The following SORT1 variants were observed in gnomAD, a reference collection of about 807,000 sequenced individuals.
SORT1 encodes the protein sortilin 1, also known as sortilin.
In SORT1, 39 loss-of-function variants were observed where a neutral mutation model predicts 101.7. That is an observed-to-expected ratio of 0.38 (90% CI 0.30 to 0.50). The LOEUF (loss-of-function observed/expected upper bound fraction) is 0.50. Ranked by LOEUF, SORT1 falls within the 20% of genes least tolerant of loss-of-function variation. The pLI is 0.90. For missense variants in SORT1, 878 were observed against 1,040.4 expected (o/e 0.84, Z 2.15); for synonymous variants, 396 against 393.7 (o/e 1.01, Z -0.07).
chr1:109,364,045 A>C (rs1650917478), intron 3 of SORT1, among the ~76,000 whole-genome samples: 2 of 152,220 alleles, frequency 1.3e-5, no homozygotes, highest in Non-Finnish European at 2.9e-5. Flanking sequence ...CAGGGAAGAG[A>C]TAATTAATAT....
chr1:109,367,389 C>T lies in SORT1; in HGVS notation c.440+19G>A, dbSNP rs758745078. ...AATGTTACTTAGTGAAATGCTCCAA[C>T]GCGTGTTATTGATCTCACCTTCGAT... is the stretch of plus-strand genomic sequence containing the variant. On this transcript the variant is annotated intron_variant, in intron 3 of 19. Coordinates refer to ENST00000256637, the MANE Select transcript of SORT1 (RefSeq NM_002959.7). 58 of 1,427,866 alleles carry T rather than the reference C, an allele frequency of 4.1e-5. No homozygotes were observed. In the East Asian group the frequency reaches 6.0e-4, roughly 15 times the overall value. The allele number at this position is 1,427,866 out of a possible 1,614,324, so 88.4% of individuals were successfully genotyped here.
chr1:109,332,967 C>T (rs981218951), intron 11 of SORT1, among the ~76,000 whole-genome samples: 2 of 152,022 alleles, frequency 1.3e-5, no homozygotes, highest in African/African-American at 2.4e-5. Flanking sequence ...CTTGCTCTGT[C>T]GCCAGGCTGG....
intron 2 of SORT1, among the ~76,000 whole-genome samples, chr1:109,368,036 G>A (rs1023851776): frequency 5.9e-5 from 9 of 152,174 alleles, no homozygotes; most frequent in Non-Finnish European, 7.3e-5. Flanking sequence ...GCTCACGCCT[G>A]TAATCACAGC....
chr1:109,316,497 G>A (rs1048644581), intron 17 of SORT1, among the ~76,000 whole-genome samples: 2 of 152,162 alleles, frequency 1.3e-5, no homozygotes, highest in Non-Finnish European at 2.9e-5. Context: ...CTTCCAAAGT[G>A]CTGGGATTAC....
At chr1:109,393,454 A>G (rs561979461) in intron 1 of SORT1, 30 of 265,500 alleles carry the variant, frequency 1.1e-4, no homozygotes, top group Admixed American at 1.9e-4. Flanking sequence ...AAGGCATTTC[A>G]TCTGTTCCTT....
At chr1:109,363,710 T>C (rs913698902) in intron 3 of SORT1, among the ~76,000 whole-genome samples, 1 of 152,330 alleles carries the variant, frequency 6.6e-6, no homozygotes. Context: ...TTTAACCATA[T>C]AAGATTTAGT....
At chr1:109,372,760 G>A (rs934929318) in intron 1 of SORT1, among the ~76,000 whole-genome samples, 18 of 152,000 alleles carry the variant, frequency 1.2e-4, no homozygotes, top group Admixed American at 7.2e-4. Context: ...TTAGCCGGGC[G>A]TGGTGGCGGG....
chr1:109,361,860 G>A (rs973572459), intron 3 of SORT1, among the ~76,000 whole-genome samples: 3 of 152,144 alleles, frequency 2.0e-5, no homozygotes, highest in Non-Finnish European at 4.4e-5. Flanking sequence ...CCCATTCCCA[G>A]CTGAGGTCAA....
chr1:109,334,391 A>G (rs1302724384), intron 11 of SORT1, among the ~76,000 whole-genome samples: 16 of 152,352 alleles, frequency 1.1e-4, no homozygotes, highest in Admixed American at 9.8e-4. Flanking sequence ...TGTTGAAAAC[A>G]TGAACCTGGG....
chr1:109,369,137 A>T (rs1425861202), intron 2 of SORT1, among the ~76,000 whole-genome samples: 3 of 152,144 alleles, frequency 2.0e-5, no homozygotes, highest in African/African-American at 7.2e-5. Context: ...CCTGGCCAAC[A>T]TGGTGAAACC....
Position 109,336,308 on chromosome 1 carries a change from C to T in SORT1, c.1303G>A (p.Gly435Arg), listed in dbSNP as rs1446878781. The T allele has an allele frequency of 1.2e-6, 2 of 1,613,230 alleles. No homozygotes were observed. Among genetic ancestry groups the T allele is most frequent in the South Asian group, 1.1e-5 (1 of 91,082 alleles). ...GGCTTCCTCAGGTGCGTCCACCTTC[C>T]TCCTTGGTCAAAAGTGATCATGGTC... ...IQTMITFDQG[G>R]RWTHLRKPEN... Residue 435 changes from glycine to arginine, a missense_variant, in exon 11 of 20, where the codon GGA becomes AGA. By Grantham distance (125) the Gly-to-Arg change is moderately radical (BLOSUM62 -2). Coordinates refer to ENST00000256637, the MANE Select transcript of SORT1 (RefSeq NM_002959.7).
intron 1 of SORT1, among the ~76,000 whole-genome samples, chr1:109,381,051 G>A (rs887361495): frequency 6.6e-6 from 1 of 152,026 alleles, no homozygotes; most frequent in African/African-American, 2.4e-5. Context: ...CTTCTTCTAC[G>A]GTGGGTGGGA....
At chr1:109,314,817 T>G (rs773802660) in intron 17 of SORT1, 39 bp from the exon 18 acceptor site, 33 of 1,188,978 alleles carry the variant, frequency 2.8e-5, no homozygotes, top group Non-Finnish European at 3.9e-5. Context: ...GTTTTAGGCA[T>G]GCATATCCTA....
At chr1:109,394,614 A>G (rs974541572) in intron 1 of SORT1, among the ~76,000 whole-genome samples, 3 of 152,216 alleles carry the variant, frequency 2.0e-5, no homozygotes, top group African/African-American at 7.2e-5. Context: ...TATCCTCATA[A>G]GCCACAGACA....
chr1:109,336,960 C>T (rs998744938), intron 10 of SORT1, among the ~76,000 whole-genome samples: 4 of 152,144 alleles, frequency 2.6e-5, no homozygotes, highest in Non-Finnish European at 5.9e-5. Flanking sequence ...ATTCTCCTTC[C>T]CTGTTTGCTT....
intron 1 of SORT1, among the ~76,000 whole-genome samples, chr1:109,392,088 A>G (rs1209231838): frequency 1.3e-5 from 2 of 152,208 alleles, no homozygotes; most frequent in African/African-American, 2.4e-5. Context: ...CTAATTATAT[A>G]AAATATCTGA....
At chr1:109,355,295 C>T in intron 4 of SORT1, 72 bp downstream of exon 4, 1 of 800,770 alleles carries the variant, frequency 1.2e-6, no homozygotes, top group South Asian at 1.4e-5. Context: ...CTGGACCATG[C>T]CAATACTAAT....
intron 3 of SORT1, among the ~76,000 whole-genome samples, chr1:109,358,195 A>G (rs1428167903): frequency 6.6e-6 from 1 of 152,272 alleles, no homozygotes; most frequent in African/African-American, 2.4e-5. Context: ...AAAATGAACT[A>G]GTATCAACCT....
At chr1:109,329,782 T>TA (rs1299694422) in intron 11 of SORT1, among the ~76,000 whole-genome samples, 3 of 152,216 alleles carry the variant, frequency 2.0e-5, no homozygotes, top group African/African-American at 7.2e-5. Flanking sequence ...CTTCAATACT[T>TA]ACTTTCAATG....
Sources: gnomAD v4.1 joint callset for allele counts (sites outside exome capture counted in the v4.1 genomes callset) on GRCh38, gnomAD v4.1.1 for gene constraint, MANE v1.5 for transcripts, NCBI Gene and HGNC (gene_info 2026-07-23, HGNC 2026-07-21) for gene names.